The following XRCC4 variants were observed in gnomAD, a reference collection of about 807,000 sequenced individuals.
The protein encoded by XRCC4 is DNA repair protein XRCC4.
XRCC4 carries 28 observed loss-of-function variants against 39.1 expected under a neutral mutation model. That is an observed-to-expected ratio of 0.72 (90% CI 0.53 to 0.98). XRCC4 has a LOEUF of 0.98. Ranked by LOEUF, XRCC4 falls within the 50% of genes least tolerant of loss-of-function variation. The pLI is 0.00. For missense variants in XRCC4, 350 were observed against 376.4 expected (o/e 0.93, Z 0.58); for synonymous variants, 123 against 126.4 (o/e 0.97, Z 0.18).
chr5:83,224,162 TTTTG>T (rs1380123900), intron 6 of XRCC4, among the ~76,000 whole-genome samples: 2 of 152,094 alleles, frequency 1.3e-5, no homozygotes, highest in African/African-American at 4.8e-5. Context: ...ATTTCTGCAA[TTTTG>T]TTTATTATTT....
the XRCC4 span, among the ~76,000 whole-genome samples, chr5:83,362,294 C>CAAAAAAAAAAAAAAAAATAAAAAAAAA: frequency 1.4e-5 from 1 of 73,184 alleles, no homozygotes; most frequent in East Asian, 5.0e-4. Flanking sequence ...GCTATTTAGG[C>CAAAAAAAAAAAAAAAAATAAAAAAAAA]AAAAAAAAAA....
chr5:83,230,129 T>C (rs1357496380), intron 6 of XRCC4, among the ~76,000 whole-genome samples: 1 of 152,024 alleles, frequency 6.6e-6, no homozygotes, highest in African/African-American at 2.4e-5. Context: ...TGCAGCATTC[T>C]GAAGTTAGGT....
At position 83,167,849 on chromosome 5, in the gene XRCC4, C is replaced by T. The variant is rs1189997290; in HGVS notation, c.316-27921C>T. On this transcript the variant is annotated intron_variant, in intron 3 of 7. Coordinates refer to ENST00000396027, the MANE Select transcript of XRCC4 (RefSeq NM_003401.5). ...GAAGATAAGTTCATAATAAAAAGCT[C>T]CAGCCACATGAATTAACATGACTAA... Among the ~76,000 whole-genome samples the T allele has an allele frequency of 3.3e-5, 5 of 152,196 alleles. No homozygotes were observed. In the East Asian group the frequency reaches 9.7e-4, roughly 29 times the overall value.
At chr5:83,139,825 A>G (rs2112514011) in intron 3 of XRCC4, among the ~76,000 whole-genome samples, 1 of 152,304 alleles carries the variant, frequency 6.6e-6, no homozygotes, top group Admixed American at 6.5e-5. Context: ...ATAAGGTATT[A>G]TAATCTTATG....
At chr5:83,358,799 A>T in the XRCC4 span, among the ~76,000 whole-genome samples, 3 of 152,208 alleles carry the variant, frequency 2.0e-5, no homozygotes, top group African/African-American at 7.2e-5. Flanking sequence ...CCCTTCTAGG[A>T]ATCTGTCTTT....
At chr5:83,252,413 C>T (rs1753356648) in intron 6 of XRCC4, among the ~76,000 whole-genome samples, 1 of 150,870 alleles carries the variant, frequency 6.6e-6, no homozygotes, top group Non-Finnish European at 1.5e-5. Context: ...GATGGTGGTT[C>T]TGTGACAATT....
intron 7 of XRCC4, among the ~76,000 whole-genome samples, chr5:83,331,775 C>G (rs1009490236): frequency 5.9e-5 from 9 of 151,880 alleles, no homozygotes; most frequent in Admixed American, 4.6e-4. Context: ...ACAACTTTTC[C>G]TAGTAAGAAG....
chr5:83,108,880 A>G (rs1184612545), intron 2 of XRCC4, among the ~76,000 whole-genome samples: 1 of 149,856 alleles, frequency 6.7e-6, no homozygotes, highest in Non-Finnish European at 1.5e-5. Flanking sequence ...AAGAGCTACT[A>G]GGGCATTTGA....
intron 3 of XRCC4, among the ~76,000 whole-genome samples, chr5:83,120,564 C>G (rs779430595): frequency 1.3e-5 from 2 of 152,154 alleles, no homozygotes; most frequent in Non-Finnish European, 2.9e-5. Context: ...TGGCTCATAA[C>G]TTTATTTGCA....
At chr5:83,306,811 A>ACTC (rs1755506172) in intron 7 of XRCC4, among the ~76,000 whole-genome samples, 1 of 152,146 alleles carries the variant, frequency 6.6e-6, no homozygotes, top group Non-Finnish European at 1.5e-5. Flanking sequence ...GATGCTGGAA[A>ACTC]CTCTGACTCA....
intron 3 of XRCC4, among the ~76,000 whole-genome samples, chr5:83,130,487 A>AT (rs1367526277): frequency 6.6e-6 from 1 of 152,174 alleles, no homozygotes; most frequent in African/African-American, 2.4e-5. Context: ...GCCTCATAAA[A>AT]TGAGTTAGGG....
At chr5:83,209,085 T>TGTGA (rs1554064999) in intron 6 of XRCC4, among the ~76,000 whole-genome samples, 3,000 of 42,482 alleles carry the variant, frequency 0.071, 94 homozygotes, top group African/African-American at 0.19. Flanking sequence ...CCAAAGTGAG[T>TGTGA]GTGTGTGTGT....
the XRCC4 span, among the ~76,000 whole-genome samples, chr5:83,367,838 C>T: frequency 6.6e-6 from 1 of 151,730 alleles, no homozygotes; most frequent in Admixed American, 6.6e-5. Context: ...AGTGATCCAC[C>T]CACCTCGGCC....
intron 7 of XRCC4, among the ~76,000 whole-genome samples, chr5:83,282,714 C>CA (rs1561453382): frequency 6.6e-6 from 1 of 151,928 alleles, no homozygotes; most frequent in African/African-American, 2.4e-5. Flanking sequence ...TGGTGGCAGG[C>CA]GCCTGTAGTC....
chr5:83,361,604 T>C, the XRCC4 span, among the ~76,000 whole-genome samples: 1 of 151,848 alleles, frequency 6.6e-6, no homozygotes, highest in Non-Finnish European at 1.5e-5. Context: ...TTACCATAAC[T>C]CTATTCTTTT....
intron 3 of XRCC4, among the ~76,000 whole-genome samples, chr5:83,159,584 C>G (rs1749111860): frequency 6.6e-6 from 1 of 152,212 alleles, no homozygotes; most frequent in South Asian, 2.1e-4. Context: ...AGGGGCCTCA[C>G]ATGACCTTGT....
At chr5:83,324,529 T>C (rs1756183225) in intron 7 of XRCC4, among the ~76,000 whole-genome samples, 1 of 152,134 alleles carries the variant, frequency 6.6e-6, no homozygotes, top group African/African-American at 2.4e-5. Context: ...AAGTAGAAAG[T>C]GTTGATCAAT....
At chr5:83,158,717 G>A (rs1368742644) in intron 3 of XRCC4, among the ~76,000 whole-genome samples, 1 of 151,944 alleles carries the variant, frequency 6.6e-6, no homozygotes, top group African/African-American at 2.4e-5. Flanking sequence ...TTAATTGTGG[G>A]AGGCAGAAAG....
intron 3 of XRCC4, among the ~76,000 whole-genome samples, chr5:83,188,064 G>C (rs1276634919): frequency 6.6e-6 from 1 of 152,138 alleles, no homozygotes; most frequent in Admixed American, 6.5e-5. Flanking sequence ...GTATTATTGA[G>C]TAACACATTA....
Sources: gnomAD v4.1 joint callset for allele counts (sites outside exome capture counted in the v4.1 genomes callset) on GRCh38, gnomAD v4.1.1 for gene constraint, MANE v1.5 for transcripts, NCBI Gene and HGNC (gene_info 2026-07-23, HGNC 2026-07-21) for gene names.